The following WWP1 variants were observed in gnomAD, a reference collection of about 807,000 sequenced individuals.
WWP1 encodes NEDD4-like E3 ubiquitin-protein ligase WWP1.
In WWP1, 49 loss-of-function variants were observed where a neutral mutation model predicts 130.6. That is an observed-to-expected ratio of 0.38 (90% CI 0.30 to 0.48). WWP1 has a LOEUF of 0.48. WWP1 is among the 20% of genes least tolerant of loss of function. WWP1 has a pLI of 0.99. For synonymous variants in WWP1, 332 were observed against 367.8 expected (o/e 0.90, Z 1.11); for missense variants, 809 against 1,100.6 (o/e 0.74, Z 3.75).
chr8:86,347,893 G>A (rs1822680611), intron 1 of WWP1, among the ~76,000 whole-genome samples: 1 of 151,998 alleles, frequency 6.6e-6, no homozygotes, highest in Non-Finnish European at 1.5e-5. Context: ...GCTCCAAAAT[G>A]GGAAACTTTG....
chr8:86,407,609 CAGT>C (rs1301818105), intron 8 of WWP1, among the ~76,000 whole-genome samples: 8 of 152,252 alleles, frequency 5.3e-5, no homozygotes, highest in African/African-American at 1.9e-4. Context: ...TATATATGAA[CAGT>C]AATCTCTCCA....
rs1349264329 is a variant in WWP1 at position 86,389,966 on chromosome 8, T to G, written c.334+8337T>G. 2.0e-5 allele frequency among the ~76,000 whole-genome samples: 3 copies of G among 151,016 alleles called. No individual in the cohort carries two copies. In the East Asian group the frequency reaches 5.9e-4, roughly 30 times the overall value. On this transcript the variant is annotated intron_variant, in intron 5 of 24. Coordinates refer to ENST00000517970, the MANE Select transcript of WWP1 (RefSeq NM_007013.4). ...GGCGGCTGCCAGGCGGAGGGGCTCC[T>G]CACTTCTCAGACGGGGCAGCCCGGC...
intron 14 of WWP1, 23 bp from the exon 15 acceptor site, chr8:86,435,427 TTG>T (rs1810238712): frequency 6.2e-7 from 1 of 1,610,704 alleles, no homozygotes; most frequent in East Asian, 2.2e-5. Context: ...ATGAGTTAAT[TTG>T]GTTTATTTTT....
chr8:86,390,678 AC>A (rs1266421084), intron 5 of WWP1, among the ~76,000 whole-genome samples: 2 of 145,838 alleles, frequency 1.4e-5, no homozygotes, highest in African/African-American at 5.0e-5. Context: ...TCAGAGGGAG[AC>A]CGTGGAAAGT....
chr8:86,456,455 A>G (rs541060472), intron 21 of WWP1, among the ~76,000 whole-genome samples: 1 of 152,104 alleles, frequency 6.6e-6, no homozygotes, highest in South Asian at 2.1e-4. Flanking sequence ...CCAATAGGAT[A>G]TACACAGATG....
In WWP1 at chr8:86,402,002, G is replaced by A. The variant is rs776539182; in HGVS notation, c.540-17G>A. 70 of 1,542,704 alleles carry A rather than the reference G, an allele frequency of 4.5e-5. 1 individual carries two copies. In the South Asian group the frequency reaches 8.3e-4, roughly 18 times the overall value. On this transcript the variant is annotated splice_polypyrimidine_tract_variant and intron_variant, in intron 7 of 24. Transcript: ENST00000517970. ...AATTATACTTAAATGATTGAAATAA[G>A]GCATTTTTTTTTCAAGGTTGGCTGT...
intron 3 of WWP1, among the ~76,000 whole-genome samples, chr8:86,377,312 G>T (rs1420525368): frequency 6.6e-6 from 1 of 150,730 alleles, no homozygotes; most frequent in Non-Finnish European, 1.5e-5. Flanking sequence ...TGGCCAGGCT[G>T]GTCTCGAACT....
intron 1 of WWP1, among the ~76,000 whole-genome samples, chr8:86,347,698 G>T (rs1249925474): frequency 6.6e-6 from 1 of 152,200 alleles, no homozygotes; most frequent in Admixed American, 6.5e-5. Flanking sequence ...AAGTACATTG[G>T]TGAAATGTAG....
At position 86,461,619 on chromosome 8, in the gene WWP1, A is replaced by G. The variant is rs1336319197; in HGVS notation, c.2597-155A>G. 7.4e-6 allele frequency: 5 copies of G among 672,420 alleles called. No homozygotes were observed. In the Admixed American group the frequency reaches 1.4e-4, roughly 19 times the overall value. 41.7% of individuals were successfully genotyped at this position (672,420 alleles called of 1,614,324 possible). On this transcript the variant is annotated intron_variant, in intron 23 of 24. Coordinates refer to ENST00000517970, the MANE Select transcript of WWP1 (RefSeq NM_007013.4). Reference sequence around the variant, plus strand: ...TAATTCTTATTGCTGGATCTCTGCAACAATTTTCTTCTTCAGGCAGAAGCA... The same window carrying G: ...TAATTCTTATTGCTGGATCTCTGCAGCAATTTTCTTCTTCAGGCAGAAGCA...
chr8:86,446,340 G>GT (rs917958820), intron 18 of WWP1, among the ~76,000 whole-genome samples: 20 of 150,996 alleles, frequency 1.3e-4, no homozygotes, highest in South Asian at 2.1e-4. Flanking sequence ...TTTTTAATGG[G>GT]TTTTTTTTTC....
intron 2 of WWP1, among the ~76,000 whole-genome samples, chr8:86,370,648 T>C (rs1388963634): frequency 2.0e-5 from 3 of 152,084 alleles, no homozygotes; most frequent in African/African-American, 7.2e-5. Flanking sequence ...AAAGATGAGG[T>C]CATGATAACC....
intron 1 of WWP1, among the ~76,000 whole-genome samples, chr8:86,347,786 C>G (rs1388909507): frequency 6.6e-6 from 1 of 152,054 alleles, no homozygotes; most frequent in Non-Finnish European, 1.5e-5. Context: ...TTTATAAAAG[C>G]TTAGTCTTCA....
rs1455954469 is a variant in WWP1 at position 86,342,905 on chromosome 8, G to T, written c.-140G>T. 10 of 353,292 alleles carry T rather than the reference G, an allele frequency of 2.8e-5. No individual in the cohort carries two copies. Among genetic ancestry groups the T allele is most frequent in the Middle Eastern group, 1.5e-3 (2 of 1,362 alleles). 21.9% of individuals were successfully genotyped at this position (353,292 alleles called of 1,614,324 possible). ...GTGCCGCTGCCGTGGCCGCCCGGCT[G>T]CCGGGAGCCGACAGCTTCGCGCCGG... On this transcript the variant is annotated 5_prime_UTR_variant, in exon 1 of 25. Transcript: ENST00000517970.
chr8:86,366,890 C>T (rs972288976), intron 1 of WWP1, among the ~76,000 whole-genome samples: 31 of 152,120 alleles, frequency 2.0e-4, no homozygotes, highest in African/African-American at 7.0e-4. Context: ...TTACTATATT[C>T]GTATATATAA....
At chr8:86,405,065 A>G (rs1808200546) in intron 8 of WWP1, 1 of 152,224 alleles carries the variant, frequency 6.6e-6, no homozygotes, top group Non-Finnish European at 1.5e-5. Flanking sequence ...GGTAGCAGCC[A>G]TTTAACTGAT....
At position 86,424,174 on chromosome 8, in the gene WWP1, G is replaced by A. The variant is rs1809439557; in HGVS notation, c.1062-1049G>A. ...CTCCTCACCTCCCAGACTGGGTCAC[G>A]GCTCGGCAGAGGCGCTCCTCACATC... On this transcript the variant is annotated intron_variant, in intron 9 of 24. Coordinates refer to ENST00000517970, the MANE Select transcript of WWP1 (RefSeq NM_007013.4). Among the ~76,000 whole-genome samples, 3 of 151,322 alleles carry A rather than the reference G, an allele frequency of 2.0e-5. No individual in the cohort carries two copies. The South Asian group carries it at 6.3e-4, about 32-fold the overall frequency.
At position 86,381,527 on chromosome 8, in the gene WWP1, T is replaced by C. The variant is rs1285550820; in HGVS notation, c.232T>C (p.Leu78=). ...CAGAAATGTTACGCCACAGACTACA[T>C]TGGAATTTCAAGTTTGGAGCCATCG... ...LTVNVTPQTT[L]EFQVWSHRTL... The change falls in exon 5 of 25, where the codon TTG becomes CTG. Residue 78 remains leucine, a synonymous_variant. Transcript: ENST00000517970. 1.1e-5 allele frequency: 17 copies of C among 1,609,452 alleles called. No individual in the cohort carries two copies. The highest frequency in any genetic ancestry group is 1.7e-4 in the Middle Eastern group (1 of 6,026).
At chr8:86,402,269 T>C in intron 8 of WWP1, 66 bp downstream of exon 8, 11 of 1,518,398 alleles carry the variant, frequency 7.2e-6, no homozygotes, top group Non-Finnish European at 4.4e-6. Context: ...TATCCATCCA[T>C]GCCTACACTT....
At chr8:86,358,294 T>C (rs908986353) in intron 1 of WWP1, among the ~76,000 whole-genome samples, 1 of 152,198 alleles carries the variant, frequency 6.6e-6, no homozygotes, top group African/African-American at 2.4e-5. Context: ...GTGGGTATTG[T>C]CCCACTTGCA....
Sources: gnomAD v4.1 joint callset for allele counts (sites outside exome capture counted in the v4.1 genomes callset) on GRCh38, gnomAD v4.1.1 for gene constraint, MANE v1.5 for transcripts, NCBI Gene and HGNC (gene_info 2026-07-23, HGNC 2026-07-21) for gene names.